Variants in ETNPPL observed in about 807,000 individuals in gnomAD.
The protein encoded by ETNPPL is ethanolamine-phosphate phospho-lyase, also known as alanine--glyoxylate aminotransferase 2-like 1.
Under a neutral mutation model 55.5 loss-of-function variants are expected in ETNPPL, and 30 were observed. That is an observed-to-expected ratio of 0.54 (90% confidence interval 0.40 to 0.73). The LOEUF (loss-of-function observed/expected upper bound fraction) is 0.73. Ranked by LOEUF, ETNPPL falls within the 30% of genes least tolerant of loss-of-function variation. The pLI is 0.00. For missense variants in ETNPPL, 528 were observed against 607.9 expected (o/e 0.87, Z 1.38); for synonymous variants, 202 against 207.2 (o/e 0.98, Z 0.21).
At chr4:108,762,679 C>T in intron 1 of ETNPPL, 164 bp downstream of exon 1, 2 of 834,034 alleles carry the variant, frequency 2.4e-6, no homozygotes, top group Non-Finnish European at 4.1e-6. Context: ...TGGGAGTCCG[C>T]GCGGCCCCTG....
intron 5 of ETNPPL, 74 bp from the exon 6 acceptor site, chr4:108,753,085 C>T: frequency 1.3e-6 from 1 of 786,886 alleles, no homozygotes; most frequent in South Asian, 1.6e-5. Context: ...CATTTCCCCA[C>T]AAGAACATGT....
intron 11 of ETNPPL, among the ~76,000 whole-genome samples, chr4:108,744,586 A>C (rs1728375279): frequency 6.6e-6 from 1 of 152,108 alleles, no homozygotes; most frequent in African/African-American, 2.4e-5. Flanking sequence ...CCCTATTATT[A>C]ATAACTTATG....
intron 7 of ETNPPL, among the ~76,000 whole-genome samples, chr4:108,749,689 CTACT>C (rs1245907140): frequency 1.3e-5 from 2 of 152,020 alleles, no homozygotes; most frequent in Non-Finnish European, 2.9e-5. Flanking sequence ...TGGGTTTGTG[CTACT>C]TAAAGTAAGC....
intron 9 of ETNPPL, 23 bp downstream of exon 9, chr4:108,747,982 T>C (rs1728693608): frequency 6.3e-7 from 1 of 1,589,698 alleles, no homozygotes; most frequent in East Asian, 2.3e-5. Flanking sequence ...AGTAACTACA[T>C]GACAACTTCA....
At chr4:108,752,244 C>G (rs1728949438) in intron 6 of ETNPPL, among the ~76,000 whole-genome samples, 1 of 152,012 alleles carries the variant, frequency 6.6e-6, no homozygotes, top group Non-Finnish European at 1.5e-5. Flanking sequence ...ATAGCCAAGT[C>G]TATGCTATAA....
At chr4:108,742,688 C>G in intron 12 of ETNPPL, 76 bp from the exon 13 acceptor site, 2 of 1,547,338 alleles carry the variant, frequency 1.3e-6, no homozygotes, top group Non-Finnish European at 1.8e-6. Context: ...TTAACAAGTC[C>G]ACACACAAAC....
rs1560647930 is a variant in ETNPPL at position 108,744,714 on chromosome 4, A to ATT, written c.1304-859_1304-858insAA. On this transcript the variant is annotated intron_variant, in intron 11 of 12. Transcript: ENST00000296486. The stretch of plus-strand genomic sequence containing the variant: ...GCTGAGAAGCAAGTAGAGAAGTTGA[A>ATT]ATTTTTTTTTTTTTTTTTTTTTTGG... Among the ~76,000 whole-genome samples, 43 of 132,698 alleles carry ATT rather than the reference A, an allele frequency of 3.2e-4. 1 individual carries two copies. The highest frequency in any genetic ancestry group is 1.4e-3 in the African/African-American group (41 of 29,646). 87.1% of individuals were successfully genotyped at this position (132,698 alleles called of 152,430 possible). A position where few individuals can be genotyped will look rare whatever the true frequency, so the allele number is the denominator to read the frequency against.
At chr4:108,743,694 G>A in intron 12 of ETNPPL, 95 bp downstream of exon 12, 1 of 862,774 alleles carries the variant, frequency 1.2e-6, no homozygotes, top group Non-Finnish European at 2.0e-6. Flanking sequence ...TTGTTCTAAT[G>A]GTCACTGCAC....
chr4:108,744,153 C>T (rs1442715090), intron 11 of ETNPPL, among the ~76,000 whole-genome samples: 3 of 151,722 alleles, frequency 2.0e-5, no homozygotes, highest in South Asian at 2.1e-4. Context: ...CCCAGCTACT[C>T]GGGAGGCTGA....
intron 3 of ETNPPL, among the ~76,000 whole-genome samples, chr4:108,757,959 A>T (rs756484003): frequency 5.9e-5 from 9 of 151,920 alleles, no homozygotes; most frequent in African/African-American, 2.2e-4. Flanking sequence ...TCATATAATC[A>T]AATATTCACG....
intron 10 of ETNPPL, 48 bp from the exon 11 acceptor site, chr4:108,746,577 G>T: frequency 6.3e-7 from 1 of 1,587,392 alleles, no homozygotes; most frequent in South Asian, 1.1e-5. Context: ...GGATAACTAC[G>T]ATTACTGAAG....
chr4:108,758,634 C>G (rs1299886529), intron 3 of ETNPPL, among the ~76,000 whole-genome samples: 1 of 152,154 alleles, frequency 6.6e-6, no homozygotes, highest in Non-Finnish European at 1.5e-5. Flanking sequence ...GTTGAGGCAG[C>G]CCGAGGTGCC....
In ETNPPL at chr4:108,748,061, A is replaced by G; in HGVS notation, c.1026T>C (p.Tyr342=). 2.5e-6 allele frequency: 4 copies of G among 1,612,242 alleles called. No homozygotes were observed. Among genetic ancestry groups the G allele is most frequent in the Non-Finnish European group, 3.4e-6 (4 of 1,179,084 alleles). Residue 342 remains tyrosine, a synonymous_variant, in exon 9 of 13, where the codon TAT becomes TAC. Transcript: ENST00000296486. ...TCTGTTTTTTCAGTAACTCAGTGAGATAATTCCCTACTCTCTTGGCATTTC... is the reference window on the plus strand; with the variant it reads ...TCTGTTTTTTCAGTAACTCAGTGAGGTAATTCCCTACTCTCTTGGCATTTC... ...LQGNAKRVGN[Y]LTELLKKQKA...
intron 9 of ETNPPL, among the ~76,000 whole-genome samples, chr4:108,747,147 T>A (rs867385434): frequency 3.2e-5 from 1 of 30,974 alleles, no homozygotes; most frequent in Admixed American, 4.9e-4. Context: ...TATATATATA[T>A]AATATATATA....
intron 1 of ETNPPL, among the ~76,000 whole-genome samples, chr4:108,761,106 ATACTT>A (rs1205239279): frequency 6.6e-6 from 1 of 152,224 alleles, no homozygotes; most frequent in Non-Finnish European, 1.5e-5. Context: ...AAGGTCATCC[ATACTT>A]TTATTTGGAT....
chr4:108,746,842 G>A lies in ETNPPL; in HGVS notation c.1092C>T (p.Gly364=). The A allele has an allele frequency of 6.2e-7, 1 of 1,613,068 alleles. No homozygotes were observed. Among genetic ancestry groups the A allele is most frequent in the Non-Finnish European group, 8.5e-7 (1 of 1,179,310 alleles). ...HTLIGDIRGI[G]LFIGIDLVKD... ...TCACTAAATCAATTCCAATAAAAAG[G>A]CCAATGCCCCTGCGAGAGGTGAAGA... Residue 364 remains glycine (G), a synonymous_variant, in exon 10 of 13, where the codon GGC becomes GGT. Transcript: ENST00000296486.
chr4:108,759,211 C>T (rs1729382235), intron 3 of ETNPPL, among the ~76,000 whole-genome samples: 2 of 151,644 alleles, frequency 1.3e-5, no homozygotes, highest in South Asian at 4.1e-4. Flanking sequence ...CGCCTGTAAT[C>T]CCAGCACTTT....
intron 5 of ETNPPL, among the ~76,000 whole-genome samples, 187 bp downstream of exon 5, chr4:108,754,433 T>C (rs979833840): frequency 6.6e-6 from 1 of 152,216 alleles, no homozygotes; most frequent in Non-Finnish European, 1.5e-5. Flanking sequence ...ATCAATGTAT[T>C]TTAAATAGAT....
chr4:108,742,577 G>C lies in ETNPPL; in HGVS notation c.1407C>G (p.Asp469Glu), dbSNP rs749009828. The change falls in exon 13 of 13, where the codon GAC (aspartate) becomes GAG (glutamate). Residue 469 changes from aspartate (D) to glutamate (E), a missense_variant. Asp to Glu is a conservative substitution (Grantham distance 45, BLOSUM62 2). Coordinates refer to ENST00000296486, the MANE Select transcript of ETNPPL (RefSeq NM_031279.4). ...LKEAHIELLR[D>E]STTDSKENPS... ...GATTTTCTTTGGAGTCAGTGGTGCTGTCCCTAAGCAGTTCTATGTGGGCTT... is the reference window on the plus strand; with the variant it reads ...GATTTTCTTTGGAGTCAGTGGTGCTCTCCCTAAGCAGTTCTATGTGGGCTT... 2.5e-6 allele frequency: 4 copies of C among 1,614,120 alleles called. No individual in the cohort carries two copies. The South Asian group carries it at 3.3e-5, about 13-fold the overall frequency.
Sources: gnomAD v4.1 joint callset for allele counts (sites outside exome capture counted in the v4.1 genomes callset) on GRCh38, gnomAD v4.1.1 for gene constraint, MANE v1.5 for transcripts, NCBI Gene and HGNC (gene_info 2026-07-23, HGNC 2026-07-21) for gene names.